Variants in COL2A1 observed in about 807,000 individuals in gnomAD.
COL2A1 encodes the protein collagen alpha-1(II) chain.
In COL2A1, 28 loss-of-function variants were observed where a neutral mutation model predicts 204.5. That is an observed-to-expected ratio of 0.14 (90% CI 0.10 to 0.19). The LOEUF (loss-of-function observed/expected upper bound fraction) is 0.19. Ranked by LOEUF, COL2A1 falls within the 10% of genes least tolerant of loss-of-function variation. The probability of loss-of-function intolerance (pLI) is 1.00; values close to 1 mark genes in which losing one functional copy is unlikely to be tolerated. For missense variants in COL2A1, 1,388 were observed against 2,027.5 expected, an observed-to-expected ratio of 0.68 and a Z score of 6.06; for synonymous variants, 708 against 718.7, an observed-to-expected ratio of 0.99 and a Z score of 0.24.
intron 11 of COL2A1, 100 bp downstream of exon 11, chr12:47,995,155 C>T: frequency 1.0e-6 from 1 of 1,004,222 alleles, no homozygotes; most frequent in Non-Finnish European, 1.6e-6. Context: ...CCTCAAGATA[C>T]CTCCACCCTG....
In COL2A1 at chr12:48,000,026, A is replaced by G; in HGVS notation, c.185T>C (p.Val62Ala). 6.2e-7 allele frequency: 1 copy of G among 1,614,094 alleles called. No homozygotes were observed. Among genetic ancestry groups the G allele is most frequent in the Non-Finnish European group, 8.5e-7 (1 of 1,180,004 alleles). ...TTCACAGATTATGTCGTCGCAGAGGACAGTCCCAGTGTCACAGACACAGAT... is the reference window on the plus strand; with the variant it reads ...TTCACAGATTATGTCGTCGCAGAGGGCAGTCCCAGTGTCACAGACACAGAT... ...CRICVCDTGTVLCDDIICEDV... is the reference protein window; with the variant it reads ...CRICVCDTGTALCDDIICEDV... Residue 62 changes from valine (V) to alanine (A), a missense_variant, in exon 2 of 54, where the codon GTC becomes GCC. By Grantham distance (64) the Val-to-Ala change is moderately conservative. Around this residue, in one of 3 missense-constraint regions of COL2A1, gnomAD observed 201 missense variants for 242.4 expected, o/e 0.83. Coordinates refer to ENST00000380518, the MANE Select transcript of COL2A1 (RefSeq NM_001844.5).
rs375899962 is a variant in COL2A1 at position 47,985,626 on chromosome 12, G to A, written c.1681-39C>T. The A allele has an allele frequency of 2.0e-5, 32 of 1,611,990 alleles. No homozygotes were observed. In the East Asian group the frequency reaches 2.2e-4, roughly 11 times the overall value. On this transcript the variant is annotated intron_variant, in intron 25 of 53. Transcript: ENST00000380518. ...AGAGAAGAGGGTGGGGTCAGGAGCCGGCCCCAGGACCTCCCAATCCTGGCA... is the reference window on the plus strand; with the variant it reads ...AGAGAAGAGGGTGGGGTCAGGAGCCAGCCCCAGGACCTCCCAATCCTGGCA...
At chr12:47,989,136 G>T in intron 18 of COL2A1, 92 bp downstream of exon 18, 1 of 1,066,848 alleles carries the variant, frequency 9.4e-7, no homozygotes, top group Non-Finnish European at 1.4e-6. Context: ...GAAGGGAGCA[G>T]GTGGTTGTTG....
In COL2A1 at chr12:47,982,989, G is replaced by A. The variant is rs759208539; in HGVS notation, c.2095-43C>T. The A allele has an allele frequency of 3.7e-5, 60 of 1,608,588 alleles. No homozygotes were observed. The Middle Eastern group carries it at 4.1e-3, about 111-fold the overall frequency. On this transcript the variant is annotated intron_variant, in intron 32 of 53. Coordinates refer to ENST00000380518, the MANE Select transcript of COL2A1 (RefSeq NM_001844.5). ...AGAAGTGATCAACCAACAGCAGTGG[G>A]GGAGAAGGTCCAGGGAGAAGCAGGG...
intron 17 of COL2A1, 67 bp downstream of exon 17, chr12:47,989,694 G>T: frequency 1.4e-6 from 2 of 1,413,984 alleles, no homozygotes; most frequent in Non-Finnish European, 2.0e-6. Flanking sequence ...CCTGCAGACT[G>T]CCTTGGGCTG....
chr12:47,978,292 GAC>G lies in COL2A1; in HGVS notation c.3000_3001del (p.Ser1001GlyfsTer2), dbSNP rs2136526175. On this transcript the variant is annotated frameshift_variant and splice_region_variant, in exon 43 of 54. Coordinates refer to ENST00000380518, the MANE Select transcript of COL2A1 (RefSeq NM_001844.5). LOFTEE classifies it high-confidence loss of function. The surrounding 1 kb of genome is among the most constrained non-coding windows in gnomAD (Gnocchi z 5.5). ...GAGGGAGGGATACCCCACACTCACCGACGGGCCAGGCAAGCCAGGGAATCCTC... is the reference window on the plus strand; with the variant it reads ...GAGGGAGGGATACCCCACACTCACCGGGGCCAGGCAAGCCAGGGAATCCTC... The G allele has an allele frequency of 6.2e-7, 1 of 1,613,850 alleles. No homozygotes were observed. Among genetic ancestry groups the G allele is most frequent in the Non-Finnish European group, 8.5e-7 (1 of 1,179,962 alleles).
intron 16 of COL2A1, among the ~76,000 whole-genome samples, chr12:47,991,102 A>G (rs1939679032): frequency 6.6e-6 from 1 of 152,218 alleles, no homozygotes; most frequent in African/African-American, 2.4e-5. Flanking sequence ...GTCAGCAGGA[A>G]CATAAAGCTT....
chr12:47,998,614 G>A (rs1814231), intron 2 of COL2A1, 183 bp from the exon 3 acceptor site: 11,765 of 639,890 alleles, frequency 0.018, 466 homozygotes, highest in South Asian at 0.099. Flanking sequence ...TGGCCCTGGG[G>A]TTGCTGAGGT....
chr12:47,980,715 C>T lies in COL2A1; in HGVS notation c.2518-54G>A. 1 of 1,550,998 alleles carries T rather than the reference C, an allele frequency of 6.4e-7. No individual in the cohort carries two copies. Among genetic ancestry groups the T allele is most frequent in the East Asian group, 2.3e-5 (1 of 42,866 alleles). ...TGAGGGGCAGGCTAAAACCCTGGAG[C>T]TCTTCCAGAAGAGCAGGAGACTCTG... On this transcript the variant is annotated intron_variant, in intron 38 of 53. Transcript: ENST00000380518. The surrounding 1 kb of genome is among the most constrained non-coding windows in gnomAD (Gnocchi z 4.5).
chr12:47,988,184 T>TGG lies in COL2A1; in HGVS notation c.1123-477_1123-476dup, dbSNP rs1411930053. On this transcript the variant is annotated intron_variant, in intron 18 of 53. Coordinates refer to ENST00000380518, the MANE Select transcript of COL2A1 (RefSeq NM_001844.5). ...CTCAGAGCACCACCTCACTCCCATC[T>TGG]GGCTGACGGGTGAACAGTGACACCC... Among the ~76,000 whole-genome samples, 3 of 152,328 alleles carry TGG rather than the reference T, an allele frequency of 2.0e-5. No individual in the cohort carries two copies. The East Asian group carries it at 5.8e-4, about 29-fold the overall frequency.
In COL2A1 at chr12:47,977,103, T is replaced by G. The variant is rs1055461266; in HGVS notation, c.3326A>C (p.Gln1109Pro). The change falls in exon 47 of 54, where the codon CAG becomes CCG. Residue 1109 changes from glutamine (Q) to proline (P), a missense_variant and splice_region_variant. Physicochemically the swap from Gln to Pro is moderately conservative, Grantham distance 76 (BLOSUM62 -1). Transcript: ENST00000380518. ...PSGPAGARGI[Q>P]GPQGPRGDKG... is the part of the protein sequence containing the mutation. ...AGTGCAGGACACTTGGATACTCACC[T>G]GGATTCCCCGGGCTCCAGCTGGTCC... The G allele has an allele frequency of 6.2e-7, 1 of 1,606,406 alleles. No individual in the cohort carries two copies. The highest frequency in any genetic ancestry group is 8.5e-7 in the Non-Finnish European group (1 of 1,177,204).
rs577585827 is a variant in COL2A1 at position 47,974,780 on chromosome 12, G to A, written c.3969C>T (p.Cys1323=). The change falls in exon 52 of 54, where the codon TGC becomes TGT. Residue 1323 remains cysteine, a synonymous_variant. Transcript: ENST00000380518. ...GAACGTTTGCTGGATTGGGGTAGAC[G>A]CAAGTCTCGCCAGTCTCCATGTTGC... ...VFCNMETGET[C]VYPNPANVPK... The A allele has an allele frequency of 1.6e-4, 266 of 1,614,184 alleles. 1 individual carries two copies. The highest frequency in any genetic ancestry group is 2.0e-4 in the South Asian group (18 of 91,082).
At position 47,982,497 on chromosome 12, in the gene COL2A1, C is replaced by T. The variant is rs1335619157; in HGVS notation, c.2301+5G>A. ...TTGGTGAGAGGCTGTAACCTCAGTA[C>T]TTACCCTGTCGCCTTTGGGCCCAGC... On this transcript the variant is annotated splice_donor_5th_base_variant and intron_variant, in intron 34 of 53. Transcript: ENST00000380518. 11 of 1,610,764 alleles carry T rather than the reference C, an allele frequency of 6.8e-6. No individual in the cohort carries two copies. Among genetic ancestry groups the T allele is most frequent in the Non-Finnish European group, 9.3e-6 (11 of 1,177,282 alleles).
Position 47,987,040 on chromosome 12 carries a change from G to T in COL2A1, c.1365+38C>A. The T allele has an allele frequency of 6.3e-7, 1 of 1,597,390 alleles. No homozygotes were observed. Among genetic ancestry groups the T allele is most frequent in the Non-Finnish European group, 8.6e-7 (1 of 1,164,850 alleles). ...AGGGGTGATGGGGTTTGACTCCAGA[G>T]ATGTCAGTGGAACTTGGGGGTCACT... On this transcript the variant is annotated intron_variant, in intron 21 of 53. Coordinates refer to ENST00000380518, the MANE Select transcript of COL2A1 (RefSeq NM_001844.5). This position sits in a 1 kb window ranked among gnomAD's most constrained non-coding sequence, Gnocchi z 4.1.
At chr12:47,992,612 G>A (rs1227427065) in intron 16 of COL2A1, among the ~76,000 whole-genome samples, 1 of 152,154 alleles carries the variant, frequency 6.6e-6, no homozygotes, top group African/African-American at 2.4e-5. Context: ...CAGGGAGTGG[G>A]TGGTGGTTGT....
chr12:48,000,393 G>T (rs925129179), intron 1 of COL2A1, among the ~76,000 whole-genome samples: 1 of 152,146 alleles, frequency 6.6e-6, no homozygotes, highest in East Asian at 1.9e-4. Flanking sequence ...GAAGGTGGGG[G>T]GTTACTATAC....
chr12:48,004,465 G>A lies in COL2A1; in HGVS notation c.-144C>T. ...GGGAAGCGGGAGACCCGGCAGCCCAGCAGCGCTCTGCGTCTTCTCCCCGCC... is the reference window on the plus strand; with the variant it reads ...GGGAAGCGGGAGACCCGGCAGCCCAACAGCGCTCTGCGTCTTCTCCCCGCC... On this transcript the variant is annotated 5_prime_UTR_variant, in exon 1 of 54. Coordinates refer to ENST00000380518, the MANE Select transcript of COL2A1 (RefSeq NM_001844.5). The A allele has an allele frequency of 1.8e-6, 1 of 569,676 alleles. No homozygotes were observed. The highest frequency in any genetic ancestry group is 3.1e-6 in the Non-Finnish European group (1 of 321,594). 35.3% of individuals were successfully genotyped at this position (569,676 alleles called of 1,614,324 possible).
intron 11 of COL2A1, 56 bp from the exon 12 acceptor site, chr12:47,994,533 G>A: frequency 1.9e-6 from 3 of 1,595,322 alleles, no homozygotes; most frequent in Non-Finnish European, 2.6e-6. Flanking sequence ...AGCATAGTGG[G>A]GGCACCCCAG....
Position 47,983,678 on chromosome 12 carries a change from C to A in COL2A1, c.1995+5G>T. 6.3e-7 allele frequency: 1 copy of A among 1,597,552 alleles called. No individual in the cohort carries two copies. Among genetic ancestry groups the A allele is most frequent in the Non-Finnish European group, 8.5e-7 (1 of 1,172,054 alleles). ...CTGCACAGAGAGCCTGGTCCAGCCA[C>A]CTACCTGGAACCCAGATGGCCCAGG... On this transcript the variant is annotated splice_donor_5th_base_variant and intron_variant, in intron 30 of 53. Coordinates refer to ENST00000380518, the MANE Select transcript of COL2A1 (RefSeq NM_001844.5).
Sources: gnomAD v4.1 joint callset for allele counts (sites outside exome capture counted in the v4.1 genomes callset) on GRCh38, gnomAD v4.1.1 for gene constraint, gnomAD v4.1.1 regional missense constraint, Gnocchi (gnomAD v3.1) non-coding constraint, MANE v1.5 for transcripts, NCBI Gene and HGNC (gene_info 2026-07-23, HGNC 2026-07-21) for gene names.